Variants in LRRC1 observed in about 807,000 individuals in gnomAD.
LRRC1 encodes leucine rich repeat containing 1.
In LRRC1, 28 loss-of-function variants were observed where a neutral mutation model predicts 69.9. The observed-to-expected ratio is 0.40, with a 90% CI of 0.30 to 0.55. The LOEUF is 0.55. Among genes scored for constraint, LRRC1 ranks in the 20% least tolerant of loss-of-function variants. The probability of loss-of-function intolerance (pLI) is 0.47; values close to 1 mark genes in which losing one functional copy is unlikely to be tolerated. For missense variants in LRRC1, 498 were observed against 609.0 expected (o/e 0.82, Z 1.92); for synonymous variants, 236 against 240.2 (o/e 0.98, Z 0.16).
At chr6:53,847,768 A>G (rs6909040) in intron 2 of LRRC1, among the ~76,000 whole-genome samples, 38,936 of 152,158 alleles carry the variant, frequency 0.26, 5,125 homozygotes, top group African/African-American at 0.26. Context: ...CCAATCTCGA[A>G]CCCTGTTGAA....
intron 10 of LRRC1, among the ~76,000 whole-genome samples, chr6:53,911,551 C>G (rs185358253): frequency 3.3e-5 from 5 of 152,162 alleles, no homozygotes; most frequent in South Asian, 2.1e-4. Flanking sequence ...TGCTTTGCCC[C>G]CCTTGGGTCA....
intron 4 of LRRC1, among the ~76,000 whole-genome samples, chr6:53,886,597 CTT>C (rs963765165): frequency 3.9e-5 from 6 of 152,288 alleles, no homozygotes; most frequent in Admixed American, 2.0e-4. Flanking sequence ...TTTTCATACA[CTT>C]TGTTAATTTT....
chr6:53,897,529 G>A (rs1462935674), intron 7 of LRRC1, among the ~76,000 whole-genome samples, 170 bp downstream of exon 7: 1 of 152,126 alleles, frequency 6.6e-6, no homozygotes, highest in South Asian at 2.1e-4. Flanking sequence ...ATTCTCCATT[G>A]CCATATAAAA....
chr6:53,839,019 A>C (rs1337519193), intron 1 of LRRC1, among the ~76,000 whole-genome samples: 1 of 151,892 alleles, frequency 6.6e-6, no homozygotes, highest in Non-Finnish European at 1.5e-5. Flanking sequence ...TTTTCTTTTT[A>C]AGTTATATTT....
At chr6:53,871,212 G>A (rs145706636) in intron 2 of LRRC1, among the ~76,000 whole-genome samples, 12 of 152,150 alleles carry the variant, frequency 7.9e-5, no homozygotes, top group Admixed American at 2.6e-4. Context: ...AGGAACCGCC[G>A]TAGTTTTTCA....
chr6:53,813,014 A>T (rs1270338970), intron 1 of LRRC1, among the ~76,000 whole-genome samples: 1 of 151,972 alleles, frequency 6.6e-6, no homozygotes, highest in Non-Finnish European at 1.5e-5. Flanking sequence ...TACCTATGGA[A>T]TAGGGAGTGG....
intron 10 of LRRC1, among the ~76,000 whole-genome samples, chr6:53,909,276 CTG>C (rs1366809573): frequency 1.3e-5 from 2 of 151,414 alleles, no homozygotes; most frequent in Non-Finnish European, 2.9e-5. Context: ...GAAACTAAGA[CTG>C]AGAGAGGTTA....
intron 12 of LRRC1, 99 bp from the exon 13 acceptor site, chr6:53,920,526 G>A: frequency 7.4e-7 from 1 of 1,342,384 alleles, no homozygotes; most frequent in African/African-American, 1.4e-5. Context: ...TCTACCCCTG[G>A]TCCTCCGTAT....
intron 2 of LRRC1, 49 bp downstream of exon 2, chr6:53,842,276 G>A (rs201444320): frequency 3.7e-6 from 5 of 1,336,118 alleles, no homozygotes; most frequent in Middle Eastern, 1.8e-4. Flanking sequence ...CAGATGCTGG[G>A]GGTGTTTTTA....
At chr6:53,872,752 CTT>C (rs537186693) in intron 2 of LRRC1, among the ~76,000 whole-genome samples, 3 of 106,372 alleles carry the variant, frequency 2.8e-5, no homozygotes, top group Admixed American at 1.0e-4. Flanking sequence ...TTTCTTTTCT[CTT>C]TTTTTTTTTT....
At chr6:53,874,022 G>A (rs1766986213) in intron 2 of LRRC1, among the ~76,000 whole-genome samples, 1 of 152,284 alleles carries the variant, frequency 6.6e-6, no homozygotes, top group East Asian at 1.9e-4. Context: ...TCAGACCATG[G>A]CAAGCCAATG....
At chr6:53,899,616 A>G in intron 7 of LRRC1, 131 bp from the exon 8 acceptor site, 10 of 813,342 alleles carry the variant, frequency 1.2e-5, no homozygotes, top group Non-Finnish European at 1.9e-5. Context: ...CTGCCTTCAC[A>G]TTTGGATTCA....
At chr6:53,894,868 G>A (rs1315793184) in intron 4 of LRRC1, among the ~76,000 whole-genome samples, 2 of 151,926 alleles carry the variant, frequency 1.3e-5, no homozygotes, top group Non-Finnish European at 2.9e-5. Flanking sequence ...TCCGCACCAA[G>A]TTACATTTGA....
chr6:53,913,376 CAA>C (rs1163362375), intron 10 of LRRC1, among the ~76,000 whole-genome samples: 1 of 148,486 alleles, frequency 6.7e-6, no homozygotes, highest in East Asian at 2.0e-4. Flanking sequence ...AACCAAAAAA[CAA>C]AAAACTGGAA....
chr6:53,850,049 C>T (rs934189882), intron 2 of LRRC1, among the ~76,000 whole-genome samples: 1 of 133,960 alleles, frequency 7.5e-6, no homozygotes, highest in Non-Finnish European at 1.6e-5. Flanking sequence ...AACTGTAGCT[C>T]ATAATAAGAT....
chr6:53,805,834 T>C (rs552573626), intron 1 of LRRC1, among the ~76,000 whole-genome samples: 106 of 152,312 alleles, frequency 7.0e-4, no homozygotes, highest in Admixed American at 5.0e-3. Flanking sequence ...CAGAATGATC[T>C]TTCTAAGACA....
In LRRC1 at chr6:53,919,607, A is replaced by T. The variant is rs1411845696; in HGVS notation, c.1216A>T (p.Thr406Ser). The change falls in exon 12 of 14, where the codon ACA becomes TCA. Residue 406 changes from threonine to serine, a missense_variant. By Grantham distance (58) the Thr-to-Ser change is moderately conservative (BLOSUM62 1). Coordinates refer to ENST00000370888, the MANE Select transcript of LRRC1 (RefSeq NM_018214.5). ...LTFQTDTDYT[T>S]GEKILTCVLL... is the part of the protein sequence containing the mutation. ...ATTCCAGACAGACACAGACTACACC[A>T]CAGGAGAGAAGATTTTAACCTGTGT... 1.2e-6 allele frequency: 2 copies of T among 1,613,790 alleles called. No homozygotes were observed. The highest frequency in any genetic ancestry group is 4.5e-5 in the East Asian group (2 of 44,880).
intron 1 of LRRC1, among the ~76,000 whole-genome samples, chr6:53,808,978 G>T (rs1326921898): frequency 6.6e-6 from 1 of 152,148 alleles, no homozygotes; most frequent in Non-Finnish European, 1.5e-5. Flanking sequence ...ATTCTTTGGT[G>T]CTGGATTTCC....
chr6:53,849,421 T>G (rs1766056362), intron 2 of LRRC1, among the ~76,000 whole-genome samples: 1 of 152,252 alleles, frequency 6.6e-6, no homozygotes, highest in Non-Finnish European at 1.5e-5. Context: ...TTAGGCCGTT[T>G]CTGTAGGTAT....
Sources: allele counts gnomAD v4.1 joint callset (sites outside exome capture counted in the v4.1 genomes callset), GRCh38; gene constraint gnomAD v4.1.1; transcripts MANE v1.5; gene names NCBI Gene and HGNC (gene_info 2026-07-23, HGNC 2026-07-21).